CSMD1: variants seen among roughly 807,000 people sequenced by gnomAD.
The protein encoded by CSMD1 is CUB and sushi domain-containing protein 1.
Under a neutral mutation model 417.5 loss-of-function variants are expected in CSMD1, and 213 were observed. That is an observed-to-expected ratio of 0.51 (90% CI 0.46 to 0.57). The LOEUF is 0.57. Ranked by LOEUF, CSMD1 falls within the 20% of genes least tolerant of loss-of-function variation. The pLI, the probability that CSMD1 is intolerant of heterozygous loss-of-function variation, is 0.00. For synonymous variants in CSMD1, 2,862 were observed against 1,736.8 expected, an observed-to-expected ratio of 1.65 and a Z score of -16.11; for missense variants, 6,923 against 4,529.7, an observed-to-expected ratio of 1.53 and a Z score of -15.17.
chr8:3,866,931 G>A (rs569537849), intron 5 of CSMD1, among the ~76,000 whole-genome samples: 1 of 152,278 alleles, frequency 6.6e-6, no homozygotes, highest in Non-Finnish European at 1.5e-5. Flanking sequence ...ACATATGCAT[G>A]TATGGATTTG....
At chr8:4,155,305 G>T (rs917881809) in intron 3 of CSMD1, among the ~76,000 whole-genome samples, 10 of 152,170 alleles carry the variant, frequency 6.6e-5, no homozygotes, top group African/African-American at 2.2e-4. Flanking sequence ...CAAGATCAGC[G>T]TTTGGGTCTC....
At chr8:3,489,182 G>A (rs959983954) in intron 11 of CSMD1, among the ~76,000 whole-genome samples, 8 of 152,136 alleles carry the variant, frequency 5.3e-5, no homozygotes, top group Non-Finnish European at 1.0e-4. Flanking sequence ...GAGAAATGAC[G>A]TCTCAGCCAT....
chr8:4,026,616 G>C (rs557593301), intron 4 of CSMD1, among the ~76,000 whole-genome samples: 7 of 152,202 alleles, frequency 4.6e-5, no homozygotes, highest in African/African-American at 1.7e-4. Flanking sequence ...AGTTTTAATG[G>C]TGGTATCTTA....
intron 1 of CSMD1, among the ~76,000 whole-genome samples, chr8:4,955,767 AACT>A: frequency 6.6e-6 from 1 of 151,776 alleles, no homozygotes; most frequent in South Asian, 2.1e-4. Context: ...CTCTCTTCCA[AACT>A]GCATGTTAGG....
intron 3 of CSMD1, among the ~76,000 whole-genome samples, chr8:4,301,479 T>C (rs1180718040): frequency 6.6e-6 from 1 of 152,208 alleles, no homozygotes. Context: ...AGGATCTTGA[T>C]GCCACTTGCA....
chr8:3,303,476 C>CT (rs1187787556), intron 25 of CSMD1, among the ~76,000 whole-genome samples: 1 of 152,130 alleles, frequency 6.6e-6, no homozygotes, highest in South Asian at 2.1e-4. Flanking sequence ...ACCTTGATAC[C>CT]TTTTTGATAT....
At chr8:3,055,468 C>T (rs1488542397) in intron 49 of CSMD1, among the ~76,000 whole-genome samples, 1 of 152,138 alleles carries the variant, frequency 6.6e-6, no homozygotes, top group Non-Finnish European at 1.5e-5. Flanking sequence ...CAGCATAATC[C>T]TTATGGACTA....
At chr8:4,616,195 T>C (rs1396266480) in intron 2 of CSMD1, among the ~76,000 whole-genome samples, 2 of 152,204 alleles carry the variant, frequency 1.3e-5, no homozygotes, top group Non-Finnish European at 2.9e-5. Flanking sequence ...CCTAGTTTTC[T>C]TTTTTGAAGT....
At chr8:4,045,887 T>G (rs1202950029) in intron 3 of CSMD1, among the ~76,000 whole-genome samples, 1 of 152,162 alleles carries the variant, frequency 6.6e-6, no homozygotes, top group Non-Finnish European at 1.5e-5. Flanking sequence ...AGAGTTTTTA[T>G]GTCTATGCTG....
intron 1 of CSMD1, among the ~76,000 whole-genome samples, chr8:4,758,788 C>T (rs915124443): frequency 6.6e-6 from 1 of 152,140 alleles, no homozygotes; most frequent in Non-Finnish European, 1.5e-5. Context: ...GTCATGAGAA[C>T]AGCATGGGAG....
intron 26 of CSMD1, among the ~76,000 whole-genome samples, chr8:3,244,636 T>C (rs528007295): frequency 6.6e-6 from 1 of 152,310 alleles, no homozygotes; most frequent in Non-Finnish European, 1.5e-5. Context: ...GGTGAAACAT[T>C]TTGGGGGCAG....
chr8:4,978,877 G>T lies in CSMD1; in HGVS notation c.85+15455C>A, dbSNP rs527503169. Among the ~76,000 whole-genome samples, 3 of 148,886 alleles carry T rather than the reference G, an allele frequency of 2.0e-5. No individual in the cohort carries two copies. In the East Asian group the frequency reaches 5.8e-4, roughly 29 times the overall value. On this transcript the variant is annotated intron_variant, in intron 1 of 69. Transcript: ENST00000635120. ...CGCTTGAACCCAGGAGGCGGAGGTT[G>T]CAGTGAGCTGAGATTGTGCCACTGC...
intron 3 of CSMD1, among the ~76,000 whole-genome samples, chr8:4,055,716 C>T (rs1337912122): frequency 1.3e-5 from 2 of 152,050 alleles, no homozygotes; most frequent in African/African-American, 4.8e-5. Context: ...GTATTAATTA[C>T]AAATAAAAAC....
At chr8:3,880,437 AT>A (rs1162244414) in intron 5 of CSMD1, among the ~76,000 whole-genome samples, 3 of 152,194 alleles carry the variant, frequency 2.0e-5, no homozygotes, top group East Asian at 3.8e-4. Context: ...TTTGAGTGAT[AT>A]TTATGTAAAT....
At chr8:3,644,733 G>C (rs576672822) in intron 7 of CSMD1, among the ~76,000 whole-genome samples, 1 of 151,980 alleles carries the variant, frequency 6.6e-6, no homozygotes, top group Non-Finnish European at 1.5e-5. Flanking sequence ...CTGTCAGGGG[G>C]GTGCAGTGCC....
rs183205133 is a variant in CSMD1, at chr8:4,881,190, C to T, written c.85+113142G>A. On this transcript the variant is annotated intron_variant, in intron 1 of 69. Transcript: ENST00000635120. ...TAGATTTAGCAGTTTCCTTTGTGTG[C>T]TATGTGAAAAATAAATTATACATAG... Among the ~76,000 whole-genome samples, 40 of 152,196 alleles carry T rather than the reference C, an allele frequency of 2.6e-4. No homozygotes were observed. In the East Asian group the frequency reaches 6.4e-3, roughly 24 times the overall value.
intron 10 of CSMD1, among the ~76,000 whole-genome samples, chr8:3,556,534 A>AC (rs2116821918): frequency 6.7e-6 from 1 of 148,960 alleles, no homozygotes; most frequent in Admixed American, 6.6e-5. Context: ...ACACACACAC[A>AC]CACACACACA....
chr8:3,141,944 C>T (rs1327251076), intron 41 of CSMD1, among the ~76,000 whole-genome samples: 10 of 152,082 alleles, frequency 6.6e-5, no homozygotes, highest in Non-Finnish European at 8.8e-5. Context: ...ACTACAGGCG[C>T]CCGCCACTAT....
intron 5 of CSMD1, among the ~76,000 whole-genome samples, chr8:3,938,353 T>TA (rs1457451927): frequency 6.6e-6 from 1 of 152,096 alleles, no homozygotes; most frequent in Non-Finnish European, 1.5e-5. Context: ...CAACATAAAG[T>TA]AATAGAGTCA....
Sources: gnomAD v4.1 joint callset for allele counts (sites outside exome capture counted in the v4.1 genomes callset) on GRCh38, gnomAD v4.1.1 for gene constraint, MANE v1.5 for transcripts, NCBI Gene and HGNC (gene_info 2026-07-23, HGNC 2026-07-21) for gene names.